The following GRAMD4 variants were observed in gnomAD, a reference collection of about 807,000 sequenced individuals.
The protein encoded by GRAMD4 is GRAM domain-containing protein 4.
In GRAMD4, 25 loss-of-function variants were observed where a neutral mutation model predicts 83.9. The ratio of observed to expected loss-of-function variants is 0.30; its 90% confidence interval spans 0.22 to 0.42. The LOEUF (loss-of-function observed/expected upper bound fraction) is 0.42, where lower values mean the gene tolerates loss of function less well. Among genes scored for constraint, GRAMD4 ranks in the 10% least tolerant of loss-of-function variants. The pLI is 1.00. For missense variants in GRAMD4, 593 were observed against 788.7 expected (o/e 0.75, Z 2.97); for synonymous variants, 336 against 320.9 (o/e 1.05, Z -0.50).
intron 3 of GRAMD4, among the ~76,000 whole-genome samples, chr22:46,655,710 G>A (rs2082232960): frequency 6.6e-6 from 1 of 152,200 alleles, no homozygotes; most frequent in South Asian, 2.1e-4. Flanking sequence ...GCTCTGAACT[G>A]GAGCCCCAGG....
intron 1 of GRAMD4, among the ~76,000 whole-genome samples, chr22:46,583,249 A>G (rs2081115600): frequency 6.6e-6 from 1 of 152,212 alleles, no homozygotes; most frequent in African/African-American, 2.4e-5. Context: ...AAACTGTTTT[A>G]GATTTATAGA....
chr22:46,676,742 A>G, intron 18 of GRAMD4, 74 bp downstream of exon 18: 9 of 1,313,866 alleles, frequency 6.9e-6, no homozygotes, highest in Non-Finnish European at 7.4e-6. Context: ...CCCTGGGACC[A>G]GCGTGGGGCA....
chr22:46,631,980 C>T (rs2081780704), intron 2 of GRAMD4, among the ~76,000 whole-genome samples: 1 of 151,934 alleles, frequency 6.6e-6, no homozygotes, highest in Non-Finnish European at 1.5e-5. Context: ...CCTTTCGTCT[C>T]CTGGGGACCG....
In GRAMD4 at chr22:46,633,849, C is replaced by T. The variant is rs553972121; in HGVS notation, c.163-3991C>T. Among the ~76,000 whole-genome samples, 7 of 152,272 alleles carry T rather than the reference C, an allele frequency of 4.6e-5. No homozygotes were observed. The South Asian group carries it at 1.5e-3, about 32-fold the overall frequency. The stretch of plus-strand genomic sequence containing the variant: ...CCGTACAGGGGGTGTTTTCTGTCCT[C>T]AGTGTGGGGCTGGGACTTGGGATCC... On this transcript the variant is annotated intron_variant, in intron 2 of 18. Coordinates refer to ENST00000406902, the MANE Select transcript of GRAMD4 (RefSeq NM_015124.5).
In GRAMD4 at chr22:46,658,226, A is replaced by G. The variant is rs1355344248; in HGVS notation, c.323A>G (p.Glu108Gly). The G allele has an allele frequency of 6.2e-7, 1 of 1,613,670 alleles. No individual in the cohort carries two copies. Among genetic ancestry groups the G allele is most frequent in the East Asian group, 2.2e-5 (1 of 44,874 alleles). The change falls in exon 4 of 19, where the codon GAG (glutamate) becomes GGG (glycine). Residue 108 changes from glutamate (E) to glycine (G), a missense_variant. Coordinates refer to ENST00000406902, the MANE Select transcript of GRAMD4 (RefSeq NM_015124.5). ...LRKLREETNA[E>G]MLRQELDRER... is the part of the protein sequence containing the mutation. ...AAGCTGCGAGAAGAAACCAACGCGG[A>G]GATGCTGCGGCAGGAGCTGGACCGC...
chr22:46,594,845 C>A (rs934720059), intron 1 of GRAMD4, among the ~76,000 whole-genome samples: 11 of 152,178 alleles, frequency 7.2e-5, no homozygotes, highest in African/African-American at 2.7e-4. Context: ...GGGCGCCCCA[C>A]ATGTTCTGAA....
rs1295857672 is a variant in GRAMD4 at position 46,644,725 on chromosome 22, T to G, written c.283+6765T>G. On this transcript the variant is annotated intron_variant, in intron 3 of 18. Transcript: ENST00000406902. Reference sequence around the variant, plus strand: ...TTTTTTTTTTTTTTTTTTTTTTTTTTTTTTTTTTTACTTTGTTTTGTTTTT... The same window carrying G: ...TTTTTTTTTTTTTTTTTTTTTTTTTGTTTTTTTTTACTTTGTTTTGTTTTT... Among the ~76,000 whole-genome samples, 28 of 135,370 alleles carry G rather than the reference T, an allele frequency of 2.1e-4. 1 individual carries two copies. The highest frequency in any genetic ancestry group is 3.2e-4 in the Non-Finnish European group (20 of 63,052). The allele number at this position is 135,370 out of a possible 152,430, so 88.8% of individuals were successfully genotyped here.
At chr22:46,657,275 T>G (rs956551167) in intron 3 of GRAMD4, among the ~76,000 whole-genome samples, 1 of 152,232 alleles carries the variant, frequency 6.6e-6, no homozygotes, top group Non-Finnish European at 1.5e-5. Context: ...ATCGGTCTGT[T>G]GCTCTTGTTC....
In GRAMD4 at chr22:46,677,430, G is replaced by A; in HGVS notation, c.*179G>A. On this transcript the variant is annotated 3_prime_UTR_variant, in exon 19 of 19. Transcript: ENST00000406902. ...TTTTATCGACCAAGAAGGGGCCAGG[G>A]CTCACAGGGACGGGGGTGCCCCTCT... 7.3e-7 allele frequency: 1 copy of A among 1,363,350 alleles called. No individual in the cohort carries two copies. The highest frequency in any genetic ancestry group is 9.5e-7 in the Non-Finnish European group (1 of 1,057,750). 84.5% of individuals were successfully genotyped at this position (1,363,350 alleles called of 1,614,324 possible).
At chr22:46,628,979 AG>A (rs1479129571) in intron 2 of GRAMD4, among the ~76,000 whole-genome samples, 2 of 151,390 alleles carry the variant, frequency 1.3e-5, no homozygotes, top group African/African-American at 4.9e-5. Context: ...AGGGGGCTTG[AG>A]GGGGCATGTT....
rs1030019968 is a variant in GRAMD4 at position 46,620,674 on chromosome 22, C to T, written c.-50+109C>T. 4.8e-5 allele frequency: 13 copies of T among 270,580 alleles called. No homozygotes were observed. The East Asian group carries it at 1.4e-3, about 29-fold the overall frequency. 16.8% of individuals were successfully genotyped at this position (270,580 alleles called of 1,614,324 possible). A position where few individuals can be genotyped will look rare whatever the true frequency, so the allele number is the denominator to read the frequency against. ...TCTGGGGCAGTGGTCCCAGCTACCA[C>T]GTGCTCTTCTGGAGCCATCTTGATC... On this transcript the variant is annotated intron_variant, in intron 1 of 18. Coordinates refer to ENST00000406902, the MANE Select transcript of GRAMD4 (RefSeq NM_015124.5). The surrounding 1 kb of genome is among the most constrained non-coding windows in gnomAD (Gnocchi z 4.7).
chr22:46,675,258 T>C (rs1239092177), intron 16 of GRAMD4, among the ~76,000 whole-genome samples: 1 of 150,122 alleles, frequency 6.7e-6, no homozygotes, highest in African/African-American at 2.5e-5. Context: ...CTCAGAGCAG[T>C]GGCTGTGAGT....
chr22:46,589,351 T>C (rs558606853), intron 1 of GRAMD4, among the ~76,000 whole-genome samples: 99 of 67,980 alleles, frequency 1.5e-3, no homozygotes, highest in African/African-American at 5.4e-3. Flanking sequence ...AGCTCTGATA[T>C]GTGGGGGAGT....
chr22:46,655,986 A>AG (rs1373185467), intron 3 of GRAMD4, among the ~76,000 whole-genome samples: 1 of 151,882 alleles, frequency 6.6e-6, no homozygotes, highest in Non-Finnish European at 1.5e-5. Flanking sequence ...CGGGGCGGGG[A>AG]GGGGGAGCTC....
At chr22:46,587,614 T>C (rs2081163489) in intron 1 of GRAMD4, among the ~76,000 whole-genome samples, 1 of 151,740 alleles carries the variant, frequency 6.6e-6, no homozygotes, top group Non-Finnish European at 1.5e-5. Context: ...GCCAGTGGGC[T>C]GGATGGGGGT....
chr22:46,581,310 C>T (rs1272209718), intron 1 of GRAMD4, among the ~76,000 whole-genome samples: 5 of 152,250 alleles, frequency 3.3e-5, no homozygotes, highest in South Asian at 4.1e-4. Flanking sequence ...GTGTTTCACA[C>T]GAATTGTCTC....
intron 6 of GRAMD4, 44 bp downstream of exon 6, chr22:46,663,216 C>T (rs376879681): frequency 7.6e-6 from 12 of 1,579,992 alleles, no homozygotes; most frequent in Admixed American, 3.4e-5. Flanking sequence ...TTAGGGGCCC[C>T]GGTCCCTGGG....
chr22:46,680,607 C>CCT (rs2082659856), downstream of GRAMD4, among the ~76,000 whole-genome samples: 2 of 131,964 alleles, frequency 1.5e-5, no homozygotes, highest in African/African-American at 2.9e-5. Flanking sequence ...CCCACCCATT[C>CCT]ATCCATCCAC....
chr22:46,580,329 C>T (rs2081085119), intron 1 of GRAMD4, among the ~76,000 whole-genome samples: 1 of 152,232 alleles, frequency 6.6e-6, no homozygotes, highest in African/African-American at 2.4e-5. Flanking sequence ...GGGCATCCCA[C>T]AGGCTGGCTT....
Sources: allele counts gnomAD v4.1 joint callset (sites outside exome capture counted in the v4.1 genomes callset), GRCh38; gene constraint gnomAD v4.1.1; non-coding constraint Gnocchi (gnomAD v3.1); transcripts MANE v1.5; gene names NCBI Gene and HGNC (gene_info 2026-07-23, HGNC 2026-07-21).